The following AMPD1 variants were observed in gnomAD, a reference collection of about 807,000 sequenced individuals.
AMPD1 encodes AMP deaminase 1.
Under a neutral mutation model 82.9 loss-of-function variants are expected in AMPD1, and 74 were observed. That is an observed-to-expected ratio of 0.89 (90% CI 0.74 to 1.08). The LOEUF (loss-of-function observed/expected upper bound fraction) is 1.08, where lower values mean the gene tolerates loss of function less well. Ranked by LOEUF, AMPD1 falls within the 50% of genes least tolerant of loss-of-function variation. AMPD1 has a pLI of 0.00. For missense variants in AMPD1, 881 were observed against 924.5 expected (o/e 0.95, Z 0.61); for synonymous variants, 333 against 320.5 (o/e 1.04, Z -0.42).
chr1:114,673,653 C>T lies in AMPD1; in HGVS notation c.2071G>A (p.Gly691Arg). 1 of 1,613,826 alleles carries T rather than the reference C, an allele frequency of 6.2e-7. No individual in the cohort carries two copies. The highest frequency in any genetic ancestry group is 1.7e-5 in the Admixed American group (1 of 60,010). The change falls in exon 15 of 16, where the codon GGA becomes AGA. Residue 691 changes from glycine to arginine, a missense_variant. Physicochemically the swap from Gly to Arg is moderately radical, Grantham distance 125 (BLOSUM62 -2). Around this residue, in one of 2 missense-constraint regions of AMPD1, gnomAD observed 98 missense variants for 138.1 expected, o/e 0.71. Transcript: ENST00000520113. ...EVARNSVLQC[G>R]ISHEEKVKFL... Reference sequence around the variant, plus strand: ...GACAGGTCTACCTCATGAGAAATTCCACACTGCAAGACACTGTTCCTTGCC... The same window carrying T: ...GACAGGTCTACCTCATGAGAAATTCTACACTGCAAGACACTGTTCCTTGCC...
intron 15 of AMPD1, 30 bp from the exon 16 acceptor site, chr1:114,673,302 G>T: frequency 6.2e-7 from 1 of 1,612,444 alleles, no homozygotes; most frequent in Non-Finnish European, 8.5e-7. Context: ...CAGAATGATT[G>T]TTGTCTCTTT....
At chr1:114,684,144 A>G in intron 5 of AMPD1, 55 bp downstream of exon 5, 3 of 1,529,158 alleles carry the variant, frequency 2.0e-6, no homozygotes, top group Non-Finnish European at 9.0e-7. Context: ...TTTAAATTTA[A>G]TATTTAGTAG....
intron 6 of AMPD1, among the ~76,000 whole-genome samples, chr1:114,679,930 A>G (rs750443032): frequency 3.3e-5 from 5 of 152,244 alleles, no homozygotes; most frequent in South Asian, 2.1e-4. Flanking sequence ...TTGGAAAGGT[A>G]TCTTAAAACT....
At chr1:114,688,258 G>A (rs1158482715) in intron 3 of AMPD1, among the ~76,000 whole-genome samples, 2 of 152,170 alleles carry the variant, frequency 1.3e-5, no homozygotes, top group South Asian at 2.1e-4. Flanking sequence ...CTCCCAGGTA[G>A]CTGGGACTAC....
At chr1:114,680,702 C>G (rs568443597) in intron 5 of AMPD1, among the ~76,000 whole-genome samples, 15 of 152,294 alleles carry the variant, frequency 9.8e-5, no homozygotes, top group African/African-American at 3.4e-4. Flanking sequence ...CGCAGTGGCT[C>G]GTGCCTGTAA....
At chr1:114,680,170 T>G in intron 6 of AMPD1, 89 bp downstream of exon 6, 1 of 1,152,576 alleles carries the variant, frequency 8.7e-7, no homozygotes, top group Non-Finnish European at 1.3e-6. Flanking sequence ...TAGTAAATAC[T>G]TAGTCTCACT....
intron 10 of AMPD1, 128 bp from the exon 11 acceptor site, chr1:114,676,131 T>C: frequency 8.9e-7 from 1 of 1,119,722 alleles, no homozygotes; most frequent in Non-Finnish European, 1.3e-6. Flanking sequence ...CCTAGGTCCA[T>C]GCTCCTCATA....
intron 2 of AMPD1, 78 bp downstream of exon 2, chr1:114,693,358 G>A (rs1162410499): frequency 3.6e-6 from 5 of 1,404,970 alleles, no homozygotes; most frequent in African/African-American, 2.8e-5. Flanking sequence ...AAATAGCCAT[G>A]TTTCTGAATT....
At chr1:114,694,563 G>T (rs1658622926) in intron 1 of AMPD1, among the ~76,000 whole-genome samples, 1 of 152,094 alleles carries the variant, frequency 6.6e-6, no homozygotes, top group Non-Finnish European at 1.5e-5. Flanking sequence ...ATTACTTTTG[G>T]CTGGGTGCAG....
intron 2 of AMPD1, 53 bp from the exon 3 acceptor site, chr1:114,688,794 G>A: frequency 6.3e-7 from 1 of 1,597,860 alleles, no homozygotes; most frequent in Non-Finnish European, 8.6e-7. Context: ...AAAGTCAGCT[G>A]AGAGTTTCTG....
In AMPD1 at chr1:114,675,992, C is replaced by G. The variant is rs140957303; in HGVS notation, c.1400G>C (p.Arg467Pro). ...AAAATGTGGAAGGAAATTCTTGGAA[C>G]GGAACACATCACTAGAGGCAAGAAT... Reference protein sequence around the residue: ...IQVPRIYDVFRSKNFLPHFGK... With the variant: ...IQVPRIYDVFPSKNFLPHFGK... The change falls in exon 11 of 16, where the codon CGT becomes CCT. Residue 467 changes from arginine (R) to proline (P), a missense_variant. Arg to Pro is a moderately radical substitution (Grantham distance 103, BLOSUM62 -2). Around this residue, in one of 2 missense-constraint regions of AMPD1, gnomAD observed 783 missense variants for 786.4 expected, o/e 1.00. Transcript: ENST00000520113. The G allele has an allele frequency of 3.8e-5, 62 of 1,613,744 alleles. No individual in the cohort carries two copies. In the South Asian group the frequency reaches 6.0e-4, roughly 16 times the overall value.
In AMPD1 at chr1:114,675,989, G is replaced by A; in HGVS notation, c.1403C>T (p.Ser468Phe). The change falls in exon 11 of 16, where the codon TCC (serine) becomes TTC (phenylalanine). Residue 468 changes from serine (S) to phenylalanine (F), a missense_variant. Ser to Phe is a radical substitution (Grantham distance 155). Around this residue, in one of 2 missense-constraint regions of AMPD1, gnomAD observed 783 missense variants for 786.4 expected, o/e 1.00. Transcript: ENST00000520113. Reference sequence around the variant, plus strand: ...TCCAAAATGTGGAAGGAAATTCTTGGAACGGAACACATCACTAGAGGCAAG... The same window carrying A: ...TCCAAAATGTGGAAGGAAATTCTTGAAACGGAACACATCACTAGAGGCAAG... ...QVPRIYDVFR[S>F]KNFLPHFGKM... is the part of the protein sequence containing the mutation. The A allele has an allele frequency of 1.2e-6, 2 of 1,614,034 alleles. No homozygotes were observed. The highest frequency in any genetic ancestry group is 8.5e-7 in the Non-Finnish European group (1 of 1,180,008).
intron 5 of AMPD1, among the ~76,000 whole-genome samples, chr1:114,683,942 C>T (rs566356121): frequency 1.4e-4 from 21 of 152,104 alleles, no homozygotes; most frequent in African/African-American, 4.8e-4. Context: ...AGAGTAGTTA[C>T]GAAGCTCTTG....
chr1:114,673,588 A>G (rs754484229), intron 15 of AMPD1, 51 bp downstream of exon 15: 6 of 1,440,220 alleles, frequency 4.2e-6, no homozygotes, highest in Non-Finnish European at 5.9e-6. Flanking sequence ...TTCGGTATTC[A>G]AGTTAGCAGA....
intron 13 of AMPD1, 112 bp downstream of exon 13, chr1:114,674,640 T>C (rs926501151): frequency 7.5e-7 from 1 of 1,339,016 alleles, no homozygotes; most frequent in Non-Finnish European, 1.0e-6. Context: ...TTTTATGCTC[T>C]ACTTGATTAT....
rs552905568 is a variant in AMPD1, at chr1:114,673,275, A to G, written c.2086-3T>C. 78 of 1,613,968 alleles carry G rather than the reference A, an allele frequency of 4.8e-5. No individual in the cohort carries two copies. The South Asian group carries it at 6.8e-4, about 14-fold the overall frequency. On this transcript the variant is annotated splice_polypyrimidine_tract_variant and splice_region_variant and intron_variant, in intron 15 of 15. Coordinates refer to ENST00000520113, the MANE Select transcript of AMPD1 (RefSeq NM_000036.3). ...TCGCCCAGAAACTTTACTTTCTCCTATAAGAGAAAAGGATGGCAGAATGAT... is the reference window on the plus strand; with the variant it reads ...TCGCCCAGAAACTTTACTTTCTCCTGTAAGAGAAAAGGATGGCAGAATGAT...
chr1:114,693,553 T>G (rs1265492228), intron 1 of AMPD1, 106 bp from the exon 2 acceptor site: 4 of 1,006,104 alleles, frequency 4.0e-6, no homozygotes, highest in African/African-American at 1.6e-5. Flanking sequence ...TTGCTGTTAT[T>G]TCAGCTCAGC....
chr1:114,674,128 A>T, intron 13 of AMPD1, 46 bp from the exon 14 acceptor site: 3 of 1,545,250 alleles, frequency 1.9e-6, no homozygotes, highest in Non-Finnish European at 2.7e-6. Flanking sequence ...TGAAAAAGGA[A>T]TACAAACTAG....
chr1:114,694,224 CAAAAACAAAAACA>C (rs1410565660), intron 1 of AMPD1, among the ~76,000 whole-genome samples: 1 of 148,996 alleles, frequency 6.7e-6, no homozygotes, highest in Non-Finnish European at 1.5e-5. Flanking sequence ...TCTAAAAAAA[CAAAAACAAAAACA>C]AAAACGAACA....
Sources: allele counts gnomAD v4.1 joint callset (sites outside exome capture counted in the v4.1 genomes callset), GRCh38; gene constraint gnomAD v4.1.1; regional missense constraint gnomAD v4.1.1; transcripts MANE v1.5; gene names NCBI Gene and HGNC (gene_info 2026-07-23, HGNC 2026-07-21).